CBR4: variants seen among roughly 807,000 people sequenced by gnomAD.
CBR4 encodes the protein carbonyl reductase 4.
Under a neutral mutation model 21.0 loss-of-function variants are expected in CBR4, and 22 were observed. That is an observed-to-expected ratio of 1.05 (90% confidence interval 0.75 to 1.50). The LOEUF is 1.50. Among genes scored for constraint, CBR4 ranks in the 40% most tolerant of loss-of-function variants. The probability of loss-of-function intolerance (pLI) is 0.00; values close to 1 mark genes in which losing one functional copy is unlikely to be tolerated. For missense variants in CBR4, 302 were observed against 286.3 expected (o/e 1.05, Z -0.40); for synonymous variants, 100 against 104.4 (o/e 0.96, Z 0.26).
intron 2 of CBR4, among the ~76,000 whole-genome samples, chr4:168,954,375 C>T (rs1763626804): frequency 6.6e-6 from 1 of 152,056 alleles, no homozygotes; most frequent in South Asian, 2.1e-4. Context: ...GATTTATTTG[C>T]TTCATGGTTC....
At chr4:168,976,413 C>A (rs1287845242) in intron 2 of CBR4, among the ~76,000 whole-genome samples, 2 of 152,206 alleles carry the variant, frequency 1.3e-5, no homozygotes, top group East Asian at 1.9e-4. Context: ...GTGTGAGCAA[C>A]AAGGCTGTTT....
chr4:168,894,669 G>A lies in CBR4; in HGVS notation n.266C>T, dbSNP rs147151489. The A allele has an allele frequency of 1.2e-6, 2 of 1,613,198 alleles. No individual in the cohort carries two copies. The highest frequency in any genetic ancestry group is 1.7e-6 in the Non-Finnish European group (2 of 1,179,382). On this transcript the variant is annotated non_coding_transcript_exon_variant, in exon 3 of 4. Coordinates refer to the CBR4 transcript ENST00000509108. ...TATTCAGGAGCCAGAAGAGGAAACA[G>A]CTAATCAGGTACCATGTTGCTCTGG... is the stretch of plus-strand genomic sequence containing the variant.
Position 168,899,953 on chromosome 4 carries a change from G to T in CBR4, n.170-5188C>A, listed in dbSNP as rs372463468. Among the ~76,000 whole-genome samples, 54 of 152,088 alleles carry T rather than the reference G, an allele frequency of 3.6e-4. No homozygotes were observed. The East Asian group carries it at 8.5e-3, about 24-fold the overall frequency. ...AAAAGAAAAGAAAATAGGCTTTACT[G>T]GCTCACAGTTCTGCATGGTATACAG... is the stretch of plus-strand genomic sequence containing the variant. On this transcript the variant is annotated intron_variant and non_coding_transcript_variant, in intron 2 of 3. Coordinates refer to the CBR4 transcript ENST00000509108.
chr4:168,914,451 T>G (rs1759691450), intron 2 of CBR4, among the ~76,000 whole-genome samples: 1 of 152,210 alleles, frequency 6.6e-6, no homozygotes, highest in South Asian at 2.1e-4. Context: ...TGTTCATTTT[T>G]CAGCCACTTA....
chr4:168,906,622 A>C (rs906150918), intron 2 of CBR4, among the ~76,000 whole-genome samples: 2 of 152,130 alleles, frequency 1.3e-5, no homozygotes, highest in African/African-American at 4.8e-5. Flanking sequence ...AATAAAAAAG[A>C]AATTTTTGTT....
At chr4:168,986,916 G>A (rs576349925), downstream of CBR4, among the ~76,000 whole-genome samples, 101 of 152,168 alleles carry the variant, frequency 6.6e-4, no homozygotes, top group Non-Finnish European at 1.1e-3. Context: ...CACTCCAGCC[G>A]AGGCAACACA....
intron 2 of CBR4, among the ~76,000 whole-genome samples, chr4:168,932,154 C>CTTA (rs1762987386): frequency 6.6e-6 from 1 of 151,546 alleles, no homozygotes; most frequent in African/African-American, 2.4e-5. Flanking sequence ...CTTAAGGAAG[C>CTTA]TCAGTGAGGT....
intron 2 of CBR4, chr4:168,898,459 T>C: frequency 2.9e-6 from 4 of 1,356,020 alleles, no homozygotes; most frequent in Non-Finnish European, 4.2e-6. Context: ...TCAGAAGGGA[T>C]TGAGTCTGCT....
intron 4 of CBR4, among the ~76,000 whole-genome samples, chr4:168,996,463 T>G (rs1214084143): frequency 1.4e-5 from 2 of 143,786 alleles, no homozygotes; most frequent in African/African-American, 2.6e-5. Context: ...GTGTGGCACA[T>G]TTATTACAAC....
chr4:169,005,493 T>C (rs1236999821), intron 3 of CBR4: 1 of 161,460 alleles, frequency 6.2e-6, no homozygotes, highest in East Asian at 1.6e-4. Context: ...CTCAATTTAC[T>C]ATCTATTATT....
intron 4 of CBR4, among the ~76,000 whole-genome samples, chr4:168,992,685 A>G (rs764686483): frequency 6.6e-6 from 1 of 152,216 alleles, no homozygotes; most frequent in Non-Finnish European, 1.5e-5. Context: ...AAATATTAAC[A>G]GTGATTATCA....
chr4:168,910,524 GC>G (rs1408724933), intron 2 of CBR4, among the ~76,000 whole-genome samples: 12 of 152,086 alleles, frequency 7.9e-5, no homozygotes, highest in African/African-American at 2.9e-4. Flanking sequence ...TCTAAAGGAT[GC>G]CTCAAAACTG....
intron 3 of CBR4, 64 bp downstream of exon 3, chr4:169,006,691 G>T: frequency 5.1e-6 from 7 of 1,361,684 alleles, no homozygotes; most frequent in South Asian, 1.4e-5. Flanking sequence ...CAAATTCGTG[G>T]ATTAAATATT....
chr4:168,954,130 G>A (rs926395138), intron 2 of CBR4, among the ~76,000 whole-genome samples: 3 of 152,074 alleles, frequency 2.0e-5, no homozygotes, highest in African/African-American at 7.2e-5. Context: ...ACAATAAAAT[G>A]TTATAACAAT....
At position 168,988,271 on chromosome 4, in the gene CBR4, G is replaced by C. The variant is rs901533101; in HGVS notation, c.*1879C>G. The C allele has an allele frequency of 6.9e-5, 68 of 985,188 alleles. No homozygotes were observed. The highest frequency in any genetic ancestry group is 1.0e-3 in the Middle Eastern group (2 of 1,938). 61.0% of individuals were successfully genotyped at this position (985,188 alleles called of 1,614,324 possible). ...ATATTCCACCAGTTTGAGATAGGCT[G>C]GGGGAGGAGGTGGAATAGCTTAAAA... is the stretch of plus-strand genomic sequence containing the variant. On this transcript the variant is annotated 3_prime_UTR_variant, in exon 5 of 5. Coordinates refer to ENST00000306193, the MANE Select transcript of CBR4 (RefSeq NM_032783.5).
chr4:168,939,147 G>C (rs552079907), intron 2 of CBR4, among the ~76,000 whole-genome samples: 8 of 152,206 alleles, frequency 5.3e-5, no homozygotes, highest in African/African-American at 1.9e-4. Context: ...TTCAACATAT[G>C]CAAATCAATA....
chr4:168,900,818 T>C (rs1756351552), intron 2 of CBR4, among the ~76,000 whole-genome samples: 1 of 152,226 alleles, frequency 6.6e-6, no homozygotes. Context: ...CAAACGCATG[T>C]ATTAAAAATA....
rs1764741105 is a variant in CBR4, at chr4:168,987,784, T to A, written c.*2366A>T. 1.0e-6 allele frequency: 1 copy of A among 984,532 alleles called. No individual in the cohort carries two copies. The highest frequency in any genetic ancestry group is 1.2e-6 in the Non-Finnish European group (1 of 829,208). The allele number at this position is 984,532 out of a possible 1,614,324, so 61.0% of individuals were successfully genotyped here. A position where few individuals can be genotyped will look rare whatever the true frequency, so the allele number is the denominator to read the frequency against. ...AATAACAGAAGCACGTAAATTAAAT[T>A]ATCCTCTTTGCACAATTATTCCCCC... On this transcript the variant is annotated 3_prime_UTR_variant, in exon 5 of 5. Transcript: ENST00000306193.
At position 168,923,268 on chromosome 4, in the gene CBR4, TCTAA is replaced by T. The variant is rs998939167; in HGVS notation, n.170-28507_170-28504del. ...GTAAAATTCAATAAAAATCCAACCT[TCTAA>T]CTAACTCGTGGTGTTGGAGAGTATT... is the stretch of plus-strand genomic sequence containing the variant. On this transcript the variant is annotated intron_variant and non_coding_transcript_variant, in intron 2 of 3. Transcript: ENST00000509108. 4.6e-5 allele frequency among the ~76,000 whole-genome samples: 7 copies of T among 152,324 alleles called. No homozygotes were observed. In the South Asian group the frequency reaches 1.0e-3, roughly 23 times the overall value.
Sources: allele counts gnomAD v4.1 joint callset (sites outside exome capture counted in the v4.1 genomes callset), GRCh38; gene constraint gnomAD v4.1.1; transcripts MANE v1.5; gene names NCBI Gene and HGNC (gene_info 2026-07-23, HGNC 2026-07-21).